Variants in RBFOX3 observed in about 807,000 individuals in gnomAD.
RBFOX3 encodes the protein RNA binding fox-1 homolog 3, also known as RNA binding protein fox-1 homolog 3.
Under a neutral mutation model 48.7 loss-of-function variants are expected in RBFOX3, and 17 were observed. The observed-to-expected ratio is 0.35, with a 90% CI of 0.24 to 0.52. The LOEUF (loss-of-function observed/expected upper bound fraction) is 0.52, where lower values mean the gene tolerates loss of function less well. RBFOX3 is among the 20% of genes least tolerant of loss of function. The pLI, the probability that RBFOX3 is intolerant of heterozygous loss-of-function variation, is 0.94. For synonymous variants in RBFOX3, 212 were observed against 209.5 expected (o/e 1.01, Z -0.10); for missense variants, 382 against 497.5 (o/e 0.77, Z 2.21).
chr17:79,261,345 G>A (rs142018736), intron 3 of RBFOX3, among the ~76,000 whole-genome samples: 100 of 152,364 alleles, frequency 6.6e-4, no homozygotes, highest in African/African-American at 2.4e-3. Flanking sequence ...GCACCCCGAA[G>A]CCACATGCAC....
At chr17:79,510,755 G>A (rs1180918802) in intron 1 of RBFOX3, among the ~76,000 whole-genome samples, 4 of 152,266 alleles carry the variant, frequency 2.6e-5, no homozygotes, top group Non-Finnish European at 2.9e-5. Flanking sequence ...CCTGGCATCC[G>A]TCACCAAACT....
intron 3 of RBFOX3, among the ~76,000 whole-genome samples, chr17:79,278,307 C>A (rs1220403017): frequency 2.0e-5 from 3 of 152,224 alleles, no homozygotes; most frequent in African/African-American, 7.2e-5. Context: ...CTCTGCCCCC[C>A]TCCTCAGAAT....
At chr17:79,211,990 G>A (rs954097809) in intron 4 of RBFOX3, among the ~76,000 whole-genome samples, 3 of 152,192 alleles carry the variant, frequency 2.0e-5, no homozygotes, top group African/African-American at 7.2e-5. Context: ...GGGCCCAGGA[G>A]GTTGTGGCCA....
At chr17:79,376,961 G>A (rs1028835610) in intron 2 of RBFOX3, among the ~76,000 whole-genome samples, 4 of 151,996 alleles carry the variant, frequency 2.6e-5, no homozygotes, top group Non-Finnish European at 4.4e-5. Context: ...CTGCCCTCCC[G>A]CCAGTACCTC....
chr17:79,412,364 A>G (rs2064529102), intron 2 of RBFOX3, among the ~76,000 whole-genome samples: 1 of 151,802 alleles, frequency 6.6e-6, no homozygotes, highest in Non-Finnish European at 1.5e-5. Context: ...TGTGGTGTGT[A>G]TGCACATGTG....
At chr17:79,337,975 G>A (rs1247333677) in intron 2 of RBFOX3, among the ~76,000 whole-genome samples, 2 of 148,730 alleles carry the variant, frequency 1.3e-5, no homozygotes, top group African/African-American at 5.0e-5. Flanking sequence ...GTCTCACAGT[G>A]TCACCCAGGT....
At chr17:79,191,446 C>A (rs933902775) in intron 4 of RBFOX3, among the ~76,000 whole-genome samples, 1 of 152,240 alleles carries the variant, frequency 6.6e-6, no homozygotes, top group African/African-American at 2.4e-5. Flanking sequence ...CTCTGTTCGT[C>A]CCCTGCCCCT....
the RBFOX3 span, among the ~76,000 whole-genome samples, chr17:79,638,321 A>T: frequency 0.1 from 3,154 of 30,244 alleles, 127 homozygotes; most frequent in African/African-American, 0.19. Flanking sequence ...TTTTTTTTTT[A>T]AATAAAATAA....
At chr17:79,137,326 G>A (rs1256421284) in intron 4 of RBFOX3, among the ~76,000 whole-genome samples, 1 of 152,100 alleles carries the variant, frequency 6.6e-6, no homozygotes, top group Non-Finnish European at 1.5e-5. Context: ...CATTCCCAGT[G>A]CATTCTCACA....
At chr17:79,097,880 C>T (rs1422888393) in intron 9 of RBFOX3, 135 bp from the exon 10 acceptor site, 6 of 862,024 alleles carry the variant, frequency 7.0e-6, no homozygotes, top group Non-Finnish European at 1.1e-5. Flanking sequence ...GCCGGGCCCC[C>T]CTTTCCCACA....
chr17:79,341,112 A>G (rs562621667), intron 2 of RBFOX3, among the ~76,000 whole-genome samples: 101 of 152,324 alleles, frequency 6.6e-4, no homozygotes, highest in African/African-American at 2.3e-3. Context: ...CAGTCATGTG[A>G]GTGCACAGAC....
chr17:79,265,703 A>G (rs889600590), intron 3 of RBFOX3, among the ~76,000 whole-genome samples: 3 of 152,196 alleles, frequency 2.0e-5, no homozygotes, highest in African/African-American at 7.2e-5. Flanking sequence ...CTGCTATTTT[A>G]TACTTTCTAA....
chr17:79,373,845 A>G (rs1212795522), intron 2 of RBFOX3, among the ~76,000 whole-genome samples: 1 of 151,624 alleles, frequency 6.6e-6, no homozygotes, highest in East Asian at 2.0e-4. Flanking sequence ...TTTTGTGATG[A>G]GTTTTCTTTT....
intron 4 of RBFOX3, among the ~76,000 whole-genome samples, chr17:79,159,153 G>A (rs935376122): frequency 1.1e-4 from 16 of 152,134 alleles, no homozygotes; most frequent in Non-Finnish European, 1.0e-4. Context: ...GTTGGGGAGC[G>A]GAGACCCAAA....
intron 10 of RBFOX3, 102 bp downstream of exon 10, chr17:79,097,590 C>T: frequency 7.1e-7 from 1 of 1,412,524 alleles, no homozygotes; most frequent in South Asian, 1.3e-5. Flanking sequence ...GCGGGGACGG[C>T]CCACCTGGCC....
chr17:79,265,293 G>T (rs953970240), intron 3 of RBFOX3, among the ~76,000 whole-genome samples: 5 of 152,204 alleles, frequency 3.3e-5, no homozygotes, highest in Non-Finnish European at 5.9e-5. Context: ...GCCCTGGGGG[G>T]CCACAATTAT....
At chr17:79,448,597 C>T (rs1340424822) in intron 2 of RBFOX3, among the ~76,000 whole-genome samples, 3 of 152,184 alleles carry the variant, frequency 2.0e-5, no homozygotes, top group African/African-American at 7.2e-5. Context: ...GGAGGGAGCA[C>T]AGCCCTGCCC....
intron 1 of RBFOX3, among the ~76,000 whole-genome samples, chr17:79,574,026 G>A (rs2092774602): frequency 1.3e-5 from 2 of 152,324 alleles, no homozygotes; most frequent in South Asian, 4.1e-4. Context: ...CTGCCCACTG[G>A]AGAAGGTGGG....
At chr17:79,215,769 C>T (rs1162276221) in intron 4 of RBFOX3, among the ~76,000 whole-genome samples, 1 of 152,266 alleles carries the variant, frequency 6.6e-6, no homozygotes, top group Non-Finnish European at 1.5e-5. Context: ...CGCTGGGCAC[C>T]GCCCTCTCTC....
Sources: allele counts gnomAD v4.1 joint callset (sites outside exome capture counted in the v4.1 genomes callset), GRCh38; gene constraint gnomAD v4.1.1; transcripts MANE v1.5; gene names NCBI Gene and HGNC (gene_info 2026-07-23, HGNC 2026-07-21).